The following SLAIN1 variants were observed in gnomAD, a reference collection of about 807,000 sequenced individuals.
The protein encoded by SLAIN1 is SLAIN motif-containing protein 1.
A neutral mutation model predicts 55.4 loss-of-function variants in SLAIN1; 17 were observed. That is an observed-to-expected ratio of 0.31 (90% CI 0.21 to 0.46). SLAIN1 has a LOEUF of 0.46. Among genes scored for constraint, SLAIN1 ranks in the 20% least tolerant of loss-of-function variants. SLAIN1 has a pLI of 1.00. For synonymous variants in SLAIN1, 348 were observed against 337.4 expected, an observed-to-expected ratio of 1.03 and a Z score of -0.35; for missense variants, 682 against 785.1, an observed-to-expected ratio of 0.87 and a Z score of 1.57.
At chr13:77,748,851 T>C (rs1016951164) in intron 4 of SLAIN1, among the ~76,000 whole-genome samples, 1 of 152,180 alleles carries the variant, frequency 6.6e-6, no homozygotes, top group Non-Finnish European at 1.5e-5. Flanking sequence ...CAAGATGATA[T>C]CTGTCTCTTA....
intron 1 of SLAIN1, among the ~76,000 whole-genome samples, chr13:77,699,524 G>GC (rs2091010262): frequency 6.6e-6 from 1 of 152,108 alleles, no homozygotes; most frequent in African/African-American, 2.4e-5. Context: ...TCCAAGCTGT[G>GC]TTTTCATTAC....
At chr13:77,740,534 C>T (rs1040758345) in intron 2 of SLAIN1, among the ~76,000 whole-genome samples, 51 of 150,472 alleles carry the variant, frequency 3.4e-4, no homozygotes, top group Non-Finnish European at 6.4e-4. Context: ...AACCGCCCCC[C>T]CCCCCTTTTT....
At chr13:77,699,177 A>T (rs2091006068) in intron 1 of SLAIN1, 1 of 892,552 alleles carries the variant, frequency 1.1e-6, no homozygotes, top group East Asian at 2.7e-5. Context: ...TGGCTTTCCC[A>T]TAAATAGTGC....
chr13:77,716,301 C>T (rs1218227011), intron 1 of SLAIN1, among the ~76,000 whole-genome samples: 1 of 150,096 alleles, frequency 6.7e-6, no homozygotes, highest in African/African-American at 2.5e-5. Context: ...TCATTACTGT[C>T]ATGAGCTTCA....
In SLAIN1 at chr13:77,764,106, T is replaced by G. The variant is rs2154411248; in HGVS notation, c.*886T>G. On this transcript the variant is annotated 3_prime_UTR_variant, in exon 7 of 7. Transcript: ENST00000418532. ...GCATTTTAAAGCAAATAAATCTTTT[T>G]GATAGACCTTTTACAAAATCCATTT... is the stretch of plus-strand genomic sequence containing the variant. The G allele has an allele frequency of 6.5e-6, 1 of 152,790 alleles. No homozygotes were observed. The highest frequency in any genetic ancestry group is 2.4e-5 in the African/African-American group (1 of 41,596). The allele number at this position is 152,790 out of a possible 1,614,324, so 9.5% of individuals were successfully genotyped here.
chr13:77,753,036 T>C (rs1420167393), intron 4 of SLAIN1, among the ~76,000 whole-genome samples, 167 bp from the exon 5 acceptor site: 1 of 152,110 alleles, frequency 6.6e-6, no homozygotes, highest in Non-Finnish European at 1.5e-5. Context: ...ACCCTTCTGG[T>C]TGGGAAGGGT....
chr13:77,748,631 G>C (rs547456333), intron 4 of SLAIN1, among the ~76,000 whole-genome samples: 1 of 152,100 alleles, frequency 6.6e-6, no homozygotes, highest in East Asian at 1.9e-4. Context: ...GGAAAGTGGA[G>C]ACATATCACA....
intron 5 of SLAIN1, among the ~76,000 whole-genome samples, chr13:77,758,508 T>A (rs1874768665): frequency 6.6e-6 from 1 of 152,172 alleles, no homozygotes; most frequent in Non-Finnish European, 1.5e-5. Context: ...TCTAAGCCAA[T>A]GTCCAGAATA....
chr13:77,762,025 ATTTTG>A (rs1275310886), intron 6 of SLAIN1, among the ~76,000 whole-genome samples: 2 of 152,134 alleles, frequency 1.3e-5, no homozygotes, highest in Non-Finnish European at 2.9e-5. Flanking sequence ...AAATAGTTTT[ATTTTG>A]TTTTGTTTGT....
intron 5 of SLAIN1, among the ~76,000 whole-genome samples, chr13:77,759,719 T>C (rs1034999482): frequency 2.6e-5 from 4 of 152,212 alleles, no homozygotes; most frequent in African/African-American, 9.6e-5. Flanking sequence ...GGTTTTTAAT[T>C]CTGTTTATGT....
At chr13:77,701,251 TAAGTTCAGGA>T (rs2091027935) in intron 1 of SLAIN1, among the ~76,000 whole-genome samples, 1 of 152,170 alleles carries the variant, frequency 6.6e-6, no homozygotes. Flanking sequence ...AAAAATGTCA[TAAGTTCAGGA>T]AAGTTTACAA....
At chr13:77,746,348 T>C (rs1337443095) in intron 3 of SLAIN1, among the ~76,000 whole-genome samples, 166 bp from the exon 4 acceptor site, 1 of 152,180 alleles carries the variant, frequency 6.6e-6, no homozygotes, top group East Asian at 1.9e-4. Flanking sequence ...CATAGGTAAA[T>C]GTGATTATTG....
At chr13:77,706,300 A>G (rs1026637138) in intron 1 of SLAIN1, among the ~76,000 whole-genome samples, 1 of 152,076 alleles carries the variant, frequency 6.6e-6, no homozygotes. Context: ...TTATGATTAT[A>G]ATTTACTAGC....
intron 2 of SLAIN1, among the ~76,000 whole-genome samples, chr13:77,731,058 A>G (rs1159506501): frequency 6.6e-6 from 1 of 152,182 alleles, no homozygotes; most frequent in Non-Finnish European, 1.5e-5. Flanking sequence ...CTCATGTTTT[A>G]ACAGGAGTTC....
intron 1 of SLAIN1, among the ~76,000 whole-genome samples, chr13:77,702,939 A>G (rs960331081): frequency 5.9e-5 from 9 of 152,196 alleles, no homozygotes; most frequent in Non-Finnish European, 1.0e-4. Context: ...ACAAAACTCT[A>G]TACTGTTTGA....
In SLAIN1 at chr13:77,721,515, A is replaced by C. The variant is rs184776179; in HGVS notation, c.766+1844A>C. ...CAGTGACTTATATCTACATTTTAAC[A>C]TACAAATTTGGCTCAATAATTTGAA... On this transcript the variant is annotated intron_variant, in intron 2 of 6. Coordinates refer to ENST00000418532, the MANE Select transcript of SLAIN1 (RefSeq NM_001242868.2). 2.6e-3 allele frequency among the ~76,000 whole-genome samples: 389 copies of C among 152,266 alleles called. 1 individual carries two copies. Among genetic ancestry groups the C allele is most frequent in the African/African-American group, 8.7e-3 (363 of 41,556 alleles).
chr13:77,711,629 C>T (rs891966131), intron 1 of SLAIN1, among the ~76,000 whole-genome samples: 2 of 152,126 alleles, frequency 1.3e-5, no homozygotes, highest in Non-Finnish European at 2.9e-5. Flanking sequence ...GATTCAGAGC[C>T]AGATTCTACC....
intron 2 of SLAIN1, among the ~76,000 whole-genome samples, chr13:77,721,236 C>T (rs1200133231): frequency 6.6e-6 from 1 of 152,136 alleles, no homozygotes; most frequent in African/African-American, 2.4e-5. Flanking sequence ...CTTTCTCTCT[C>T]TCCTGCCACC....
chr13:77,762,919 T>G (rs867878760), intron 6 of SLAIN1, among the ~76,000 whole-genome samples: 1 of 152,214 alleles, frequency 6.6e-6, no homozygotes, highest in African/African-American at 2.4e-5. Flanking sequence ...GCAAATTTTC[T>G]TGTGCAAATA....
Sources: allele counts gnomAD v4.1 joint callset (sites outside exome capture counted in the v4.1 genomes callset), GRCh38; gene constraint gnomAD v4.1.1; transcripts MANE v1.5; gene names NCBI Gene and HGNC (gene_info 2026-07-23, HGNC 2026-07-21).